Variants in SDF4 observed in about 807,000 individuals in gnomAD.
The protein encoded by SDF4 is stromal cell derived factor 4.
A neutral mutation model predicts 34.2 loss-of-function variants in SDF4; 22 were observed. The ratio of observed to expected loss-of-function variants is 0.64; its 90% CI spans 0.46 to 0.92. The LOEUF is 0.92. Among genes scored for constraint, SDF4 ranks in the 40% least tolerant of loss-of-function variants. The pLI, the probability that SDF4 is intolerant of heterozygous loss-of-function variation, is 0.00. For missense variants in SDF4, 447 were observed against 499.9 expected (o/e 0.89, Z 1.01); for synonymous variants, 236 against 203.1 (o/e 1.16, Z -1.38).
intron 4 of SDF4, 166 bp downstream of exon 4, chr1:1,223,078 A>C (rs1650064354): frequency 1.6e-6 from 1 of 618,484 alleles, no homozygotes; most frequent in Admixed American, 2.6e-5. Context: ...CGTACTCACG[A>C]GCACGCGCAC....
intron 3 of SDF4, among the ~76,000 whole-genome samples, 162 bp downstream of exon 3, chr1:1,223,670 A>G (rs1650111658): frequency 1.3e-5 from 2 of 152,108 alleles, no homozygotes; most frequent in South Asian, 4.1e-4. Flanking sequence ...GGCATCATGA[A>G]CCCAGCTTCC....
chr1:1,217,692 C>T lies in SDF4; in HGVS notation c.892-4G>A, dbSNP rs745821280. 36 of 1,613,456 alleles carry T rather than the reference C, an allele frequency of 2.2e-5. 2 individuals are homozygous for T. Among genetic ancestry groups the T allele is most frequent in the South Asian group, 1.5e-4 (14 of 91,070 alleles). ...CGTTCATGGGGTCCATGTAGCTCTGCGGGCGAGCGGGGCACAGGTCAGCGT... is the reference window on the plus strand; with the variant it reads ...CGTTCATGGGGTCCATGTAGCTCTGTGGGCGAGCGGGGCACAGGTCAGCGT... On this transcript the variant is annotated splice_polypyrimidine_tract_variant and splice_region_variant and intron_variant, in intron 6 of 6. Coordinates refer to ENST00000360001, the MANE Select transcript of SDF4 (RefSeq NM_016176.6). This position sits in a 1 kb window ranked among gnomAD's most constrained non-coding sequence, Gnocchi z 8.5.
At chr1:1,226,086 G>A (rs898249520) in intron 2 of SDF4, among the ~76,000 whole-genome samples, 3 of 152,354 alleles carry the variant, frequency 2.0e-5, no homozygotes, top group East Asian at 3.9e-4. Flanking sequence ...AGAGAACAAG[G>A]GCAAGACGCC....
intron 4 of SDF4, chr1:1,219,537 A>G (rs1557514793): frequency 2.0e-6 from 2 of 991,232 alleles, no homozygotes; most frequent in Non-Finnish European, 2.4e-6. Context: ...ACAGGGAGGA[A>G]AACACAGTTT....
Position 1,218,606 on chromosome 1 carries a change from A to C in SDF4, c.743T>G (p.Val248Gly), listed in dbSNP as rs1209322847. 2 of 1,613,974 alleles carry C rather than the reference A, an allele frequency of 1.2e-6. No individual in the cohort carries two copies. Among genetic ancestry groups the C allele is most frequent in the African/African-American group, 2.7e-5 (2 of 75,042 alleles). ...LDQDGDKQLSVPEFISLPVGT... is the reference protein window; with the variant it reads ...LDQDGDKQLSGPEFISLPVGT... ...CACGGGCAGGGAGATGAACTCGGGC[A>C]CAGAGAGCTGCTTGTCACCGTCCTG... The change falls in exon 6 of 7, where the codon GTG becomes GGG. Residue 248 changes from valine to glycine, a missense_variant. Transcript: ENST00000360001. This position sits in a 1 kb window ranked among gnomAD's most constrained non-coding sequence, Gnocchi z 7.9.
intron 2 of SDF4, among the ~76,000 whole-genome samples, chr1:1,224,759 C>T (rs907911350): frequency 1.3e-5 from 2 of 152,118 alleles, no homozygotes; most frequent in Admixed American, 6.5e-5. Flanking sequence ...AAAACAATTA[C>T]GAAAATTCGC....
chr1:1,224,003 C>G (rs1322579396), intron 2 of SDF4, 35 bp from the exon 3 acceptor site: 2 of 1,604,900 alleles, frequency 1.2e-6, no homozygotes, highest in Admixed American at 1.7e-5. Context: ...GGCCGTCAGA[C>G]TGGGCCCCCA....
At chr1:1,229,893 C>A (rs1452253324) in intron 1 of SDF4, among the ~76,000 whole-genome samples, 7 of 149,604 alleles carry the variant, frequency 4.7e-5, no homozygotes, top group African/African-American at 1.5e-4. Context: ...CCCCCACACA[C>A]AGATGTGCAC....
chr1:1,220,319 G>C (rs1228670261), intron 4 of SDF4: 1 of 1,100,858 alleles, frequency 9.1e-7, no homozygotes, highest in East Asian at 7.3e-5. Flanking sequence ...GGCGGGGGAA[G>C]GGAGTGATGC....
chr1:1,225,484 G>A (rs1638274279), intron 2 of SDF4, among the ~76,000 whole-genome samples: 1 of 152,212 alleles, frequency 6.6e-6, no homozygotes, highest in Non-Finnish European at 1.5e-5. Context: ...CATGGAAGAA[G>A]GCCAGGCTGC....
intron 3 of SDF4, 144 bp from the exon 4 acceptor site, chr1:1,223,501 A>G: frequency 1.5e-6 from 1 of 680,628 alleles, no homozygotes; most frequent in Non-Finnish European, 2.5e-6. Context: ...CCAGCACCCC[A>G]CACCCGTTTC....
At chr1:1,220,381 G>A (rs1417426138) in intron 4 of SDF4, 7 of 1,145,734 alleles carry the variant, frequency 6.1e-6, no homozygotes, top group Non-Finnish European at 5.4e-6. Flanking sequence ...GAGGCGCGAG[G>A]ACAGCAGCCC....
intron 1 of SDF4, among the ~76,000 whole-genome samples, chr1:1,230,559 C>G (rs913473523): frequency 1.3e-5 from 2 of 152,036 alleles, no homozygotes; most frequent in African/African-American, 2.4e-5. Context: ...CTCCCAGGTT[C>G]AAGTGATTCT....
In SDF4 at chr1:1,218,744, C is replaced by G. The variant is rs1408663972; in HGVS notation, c.715+25G>C. ...CCAGTCGGTCCTGGGTCCTGGCGTGCCGGCCAGGCTGGACCCAGCCTCACC... is the reference window on the plus strand; with the variant it reads ...CCAGTCGGTCCTGGGTCCTGGCGTGGCGGCCAGGCTGGACCCAGCCTCACC... On this transcript the variant is annotated intron_variant, in intron 5 of 6. Transcript: ENST00000360001. The surrounding 1 kb of genome is among the most constrained non-coding windows in gnomAD (Gnocchi z 7.9). 1.2e-6 allele frequency: 2 copies of G among 1,612,210 alleles called. No individual in the cohort carries two copies. The highest frequency in any genetic ancestry group is 1.7e-6 in the Non-Finnish European group (2 of 1,179,112).
chr1:1,224,189 C>T (rs529707097), intron 2 of SDF4, among the ~76,000 whole-genome samples: 1 of 152,310 alleles, frequency 6.6e-6, no homozygotes, highest in African/African-American at 2.4e-5. Flanking sequence ...GTCCCCTCCC[C>T]GGGGAAACAC....
At chr1:1,231,348 C>T (rs1471942372) in intron 1 of SDF4, among the ~76,000 whole-genome samples, 1 of 152,236 alleles carries the variant, frequency 6.6e-6, no homozygotes, top group Non-Finnish European at 1.5e-5. Context: ...TATTTCTTTG[C>T]CATCCCTGGG....
At chr1:1,227,688 G>C (rs1428527490) in intron 2 of SDF4, among the ~76,000 whole-genome samples, 1 of 152,196 alleles carries the variant, frequency 6.6e-6, no homozygotes, top group Non-Finnish European at 1.5e-5. Context: ...CCACACCGCA[G>C]GGCACCCCGG....
intron 2 of SDF4, among the ~76,000 whole-genome samples, chr1:1,224,182 C>G (rs776811366): frequency 6.6e-5 from 10 of 152,310 alleles, no homozygotes; most frequent in Non-Finnish European, 1.5e-4. Context: ...TGCCACGGTC[C>G]CCTCCCCGGG....
intron 4 of SDF4, chr1:1,220,256 G>T: frequency 9.7e-7 from 1 of 1,034,872 alleles, no homozygotes; most frequent in Non-Finnish European, 1.2e-6. Flanking sequence ...GAGAGTCAAC[G>T]ACTGCTGTCC....
Sources: allele counts gnomAD v4.1 joint callset (sites outside exome capture counted in the v4.1 genomes callset), GRCh38; gene constraint gnomAD v4.1.1; non-coding constraint Gnocchi (gnomAD v3.1); transcripts MANE v1.5; gene names NCBI Gene and HGNC (gene_info 2026-07-23, HGNC 2026-07-21).